Variants in RBL2 observed in about 807,000 individuals in gnomAD.
The protein encoded by RBL2 is RB transcriptional corepressor like 2, also known as retinoblastoma-like protein 2.
A neutral mutation model predicts 126.0 loss-of-function variants in RBL2; 56 were observed. The observed-to-expected ratio is 0.44, with a 90% CI of 0.36 to 0.56. RBL2 has a LOEUF of 0.56. Ranked by LOEUF, RBL2 falls within the 20% of genes least tolerant of loss-of-function variation. The pLI is 0.00. For synonymous variants in RBL2, 454 were observed against 478.5 expected, an observed-to-expected ratio of 0.95 and a Z score of 0.67; for missense variants, 1,229 against 1,398.2, an observed-to-expected ratio of 0.88 and a Z score of 1.93.
intron 7 of RBL2, 79 bp downstream of exon 7, chr16:53,453,848 TTGTACTC>T (rs1234737162): frequency 8.0e-7 from 1 of 1,252,520 alleles, no homozygotes; most frequent in African/African-American, 1.5e-5. Context: ...TTTTTATTGT[TTGTACTC>T]TGGAAACTGA....
rs777994843 is a variant in RBL2, at chr16:53,479,148, T to C, written c.2704-6T>C. On this transcript the variant is annotated splice_region_variant and splice_polypyrimidine_tract_variant and intron_variant, in intron 17 of 21. Coordinates refer to ENST00000262133, the MANE Select transcript of RBL2 (RefSeq NM_005611.4). ...TGTCTCTCAGAGCACTCTTATTGTTTGCCAGGTCACAAAAGAAGATAAGTC... is the reference window on the plus strand; with the variant it reads ...TGTCTCTCAGAGCACTCTTATTGTTCGCCAGGTCACAAAAGAAGATAAGTC... 6.2e-7 allele frequency: 1 copy of C among 1,611,388 alleles called. No individual in the cohort carries two copies. The highest frequency in any genetic ancestry group is 1.1e-5 in the South Asian group (1 of 91,036).
intron 12 of RBL2, 28 bp from the exon 13 acceptor site, chr16:53,465,410 C>A: frequency 7.4e-7 from 1 of 1,352,236 alleles, no homozygotes; most frequent in South Asian, 2.1e-5. Context: ...AATAATTATT[C>A]AGTGAACCAA....
intron 17 of RBL2, chr16:53,478,897 C>T: frequency 2.6e-6 from 1 of 386,994 alleles, no homozygotes; most frequent in Non-Finnish European, 4.6e-6. Flanking sequence ...GCTGGGATTA[C>T]AGGTGTGAAC....
At chr16:53,482,873 A>C (rs905023970) in intron 21 of RBL2, among the ~76,000 whole-genome samples, 6 of 151,830 alleles carry the variant, frequency 4.0e-5, no homozygotes, top group Non-Finnish European at 7.4e-5. Context: ...TGAACTCTTC[A>C]AAAAAAGGTC....
At chr16:53,458,144 G>T (rs967519971) in intron 8 of RBL2, among the ~76,000 whole-genome samples, 2 of 152,050 alleles carry the variant, frequency 1.3e-5, no homozygotes, top group African/African-American at 4.8e-5. Flanking sequence ...GAGAAAACAT[G>T]TAGGTTTGTT....
intron 14 of RBL2, among the ~76,000 whole-genome samples, chr16:53,469,245 T>C (rs2058298349): frequency 6.6e-6 from 1 of 151,940 alleles, no homozygotes; most frequent in African/African-American, 2.4e-5. Context: ...ATAAAAAAAA[T>C]AGTAACAATT....
chr16:53,438,960 T>C (rs1598085168), intron 1 of RBL2, 56 bp from the exon 2 acceptor site: 4 of 1,218,060 alleles, frequency 3.3e-6, no homozygotes, highest in East Asian at 5.9e-5. Flanking sequence ...TTTAAAAATA[T>C]TGAAATATTT....
chr16:53,437,816 A>G (rs2057973316), intron 1 of RBL2, among the ~76,000 whole-genome samples: 1 of 152,056 alleles, frequency 6.6e-6, no homozygotes, highest in Non-Finnish European at 1.5e-5. Context: ...TCACGAGGTC[A>G]GGAGATCAAG....
intron 2 of RBL2, among the ~76,000 whole-genome samples, chr16:53,440,869 T>C (rs748148627): frequency 5.3e-5 from 8 of 151,580 alleles, no homozygotes; most frequent in African/African-American, 9.7e-5. Flanking sequence ...TTTATTCTTA[T>C]CATTGGGAAA....
At chr16:53,469,038 T>G (rs2058295898) in intron 14 of RBL2, among the ~76,000 whole-genome samples, 1 of 152,222 alleles carries the variant, frequency 6.6e-6, no homozygotes, top group Non-Finnish European at 1.5e-5. Context: ...GAGACCAGCC[T>G]GGCCAACATG....
chr16:53,439,472 A>G (rs2057993123), intron 2 of RBL2, among the ~76,000 whole-genome samples: 1 of 152,232 alleles, frequency 6.6e-6, no homozygotes, highest in Non-Finnish European at 1.5e-5. Context: ...TCCAAGTTGA[A>G]AAGGTAAATA....
chr16:53,467,445 T>A (rs1379383053), intron 14 of RBL2, among the ~76,000 whole-genome samples: 2 of 152,208 alleles, frequency 1.3e-5, no homozygotes, highest in Admixed American at 6.5e-5. Context: ...TGGAGTGCAG[T>A]GGCCCAATCT....
chr16:53,477,929 C>T (rs1200758041), intron 17 of RBL2, among the ~76,000 whole-genome samples: 1 of 152,092 alleles, frequency 6.6e-6, no homozygotes, highest in African/African-American at 2.4e-5. Context: ...TGTCCAGGGG[C>T]ATTTGCTTTT....
At chr16:53,440,817 G>A (rs1466798366) in intron 2 of RBL2, among the ~76,000 whole-genome samples, 1 of 152,108 alleles carries the variant, frequency 6.6e-6, no homozygotes, top group African/African-American at 2.4e-5. Context: ...GACTCCCAAA[G>A]TGCTGGCATT....
intron 14 of RBL2, among the ~76,000 whole-genome samples, chr16:53,469,352 A>T (rs1232705547): frequency 6.6e-6 from 1 of 152,256 alleles, no homozygotes; most frequent in Non-Finnish European, 1.5e-5. Flanking sequence ...AATCCAAATC[A>T]TGCATGTCCA....
At chr16:53,481,918 C>T in intron 21 of RBL2, 83 bp downstream of exon 21, 1 of 1,448,968 alleles carries the variant, frequency 6.9e-7, no homozygotes, top group Non-Finnish European at 9.6e-7. Flanking sequence ...AGCTTAGGCA[C>T]TCATTAGAGT....
At position 53,434,570 on chromosome 16, in the gene RBL2, G is replaced by T; in HGVS notation, c.14G>T (p.Gly5Val). MPSG[G>V]DQSPPPPPPP... Reference sequence around the variant, plus strand: ...CAGGGGTGCGCTATGCCGTCGGGAGGTGACCAGTCGCCACCGCCCCCGCCT... The same window carrying T: ...CAGGGGTGCGCTATGCCGTCGGGAGTTGACCAGTCGCCACCGCCCCCGCCT... The change falls in exon 1 of 22, where the codon GGT (glycine) becomes GTT (valine). Residue 5 changes from glycine to valine, a missense_variant. Gly to Val is a moderately radical substitution (Grantham distance 109, BLOSUM62 -3). Around this residue, in one of 2 missense-constraint regions of RBL2, gnomAD observed 159 missense variants for 123.9 expected, o/e 1.28. Coordinates refer to ENST00000262133, the MANE Select transcript of RBL2 (RefSeq NM_005611.4). The T allele has an allele frequency of 6.5e-7, 1 of 1,530,336 alleles. No individual in the cohort carries two copies. 94.8% of individuals were successfully genotyped at this position (1,530,336 alleles called of 1,614,324 possible).
Position 53,442,640 on chromosome 16 carries a change from G to A in RBL2, c.372-18G>A, listed in dbSNP as rs1567726143. 1.3e-6 allele frequency: 2 copies of A among 1,572,228 alleles called. No homozygotes were observed. Among genetic ancestry groups the A allele is most frequent in the South Asian group, 1.1e-5 (1 of 88,192 alleles). On this transcript the variant is annotated intron_variant, in intron 2 of 21. Coordinates refer to ENST00000262133, the MANE Select transcript of RBL2 (RefSeq NM_005611.4). ...CCTTATGTTAATTATGAAATATCTT[G>A]TTTGTCTTTAATACCAGCTTAATCG...
intron 1 of RBL2, 134 bp downstream of exon 1, chr16:53,434,930 T>A (rs1418205110): frequency 7.6e-7 from 1 of 1,311,714 alleles, no homozygotes; most frequent in Non-Finnish European, 9.9e-7. Context: ...GGACTTCCTC[T>A]GCGCTATTCC....
Sources: gnomAD v4.1 joint callset for allele counts (sites outside exome capture counted in the v4.1 genomes callset) on GRCh38, gnomAD v4.1.1 for gene constraint, gnomAD v4.1.1 regional missense constraint, MANE v1.5 for transcripts, NCBI Gene and HGNC (gene_info 2026-07-23, HGNC 2026-07-21) for gene names.